DNM3: variants seen among roughly 807,000 people sequenced by gnomAD.
DNM3 encodes dynamin 3, also known as dynamin-3.
In DNM3, 47 loss-of-function variants were observed where a neutral mutation model predicts 101.6. The observed-to-expected ratio is 0.46, with a 90% CI of 0.37 to 0.59. The LOEUF (loss-of-function observed/expected upper bound fraction) is 0.59. DNM3 is among the 20% of genes least tolerant of loss of function. The pLI is 0.00. For synonymous variants in DNM3, 385 were observed against 387.9 expected (o/e 0.99, Z 0.09); for missense variants, 849 against 1,085.7 (o/e 0.78, Z 3.06).
At chr1:171,941,079 C>A (rs2041779323) in intron 2 of DNM3, among the ~76,000 whole-genome samples, 2 of 152,164 alleles carry the variant, frequency 1.3e-5, no homozygotes, top group South Asian at 4.2e-4. Flanking sequence ...TAAAAAAACT[C>A]ATGAAGAACA....
chr1:171,857,605 C>A (rs2033745014), intron 1 of DNM3, among the ~76,000 whole-genome samples: 1 of 152,154 alleles, frequency 6.6e-6, no homozygotes, highest in African/African-American at 2.4e-5. Flanking sequence ...GTCCTGATGA[C>A]TTATGGTTCA....
intron 13 of DNM3, among the ~76,000 whole-genome samples, chr1:172,118,762 T>C (rs1290607190): frequency 6.6e-6 from 1 of 151,986 alleles, no homozygotes; most frequent in Non-Finnish European, 1.5e-5. Flanking sequence ...AGAGCCAGAG[T>C]GGTTTTTCTC....
At chr1:172,391,084 G>A (rs1223181675) in intron 20 of DNM3, among the ~76,000 whole-genome samples, 2 of 152,206 alleles carry the variant, frequency 1.3e-5, no homozygotes, top group East Asian at 3.8e-4. Flanking sequence ...CGAGCTGGAT[G>A]GCCGGCACAT....
chr1:172,061,948 C>T (rs1479043585), intron 10 of DNM3, among the ~76,000 whole-genome samples: 1 of 152,152 alleles, frequency 6.6e-6, no homozygotes, highest in African/African-American at 2.4e-5. Context: ...GCATGTAATA[C>T]ATGTCTAATG....
rs1171616830 is a variant in DNM3 at position 172,410,878 on chromosome 1, G to A, written c.*3037G>A. 1.5e-5 allele frequency: 15 copies of A among 985,000 alleles called. No individual in the cohort carries two copies. The highest frequency in any genetic ancestry group is 1.8e-5 in the Non-Finnish European group (15 of 829,774). The allele number at this position is 985,000 out of a possible 1,614,324, so 61.0% of individuals were successfully genotyped here. ...AGCCATAATTCTCAAATATGAAATG[G>A]GACCTAATACCAGTATGTGATAAAT... On this transcript the variant is annotated 3_prime_UTR_variant, in exon 21 of 21. Transcript: ENST00000627582.
chr1:172,336,314 G>A (rs1365912010), intron 17 of DNM3, among the ~76,000 whole-genome samples: 2 of 151,978 alleles, frequency 1.3e-5, no homozygotes, highest in South Asian at 2.1e-4. Context: ...TAAGTCTAGC[G>A]TTAATGCACT....
chr1:172,099,887 A>G (rs1203451091), intron 13 of DNM3, among the ~76,000 whole-genome samples: 1 of 152,172 alleles, frequency 6.6e-6, no homozygotes, highest in Non-Finnish European at 1.5e-5. Context: ...ACAAATGGGG[A>G]TGAAATGTCC....
At position 171,958,054 on chromosome 1, in the gene DNM3, T is replaced by G. The variant is rs143746946; in HGVS notation, c.236-29602T>G. 5.2e-3 allele frequency among the ~76,000 whole-genome samples: 794 copies of G among 152,308 alleles called. 7 individuals carry two copies. The highest frequency in any genetic ancestry group is 0.018 in the African/African-American group (739 of 41,570). On this transcript the variant is annotated intron_variant, in intron 2 of 20. Transcript: ENST00000627582. Reference sequence around the variant, plus strand: ...TAATTGACAAAAGAAAGAGGTTTAATGGACTCATAGTTCCACGTGGCTGGG... The same window carrying G: ...TAATTGACAAAAGAAAGAGGTTTAAGGGACTCATAGTTCCACGTGGCTGGG...
intron 17 of DNM3, among the ~76,000 whole-genome samples, chr1:172,354,385 A>G (rs1320903617): frequency 1.3e-5 from 2 of 152,106 alleles, no homozygotes; most frequent in Non-Finnish European, 2.9e-5. Context: ...ATCACACAGA[A>G]ATAGGAGAGG....
chr1:172,262,856 G>A (rs954026860), intron 15 of DNM3, among the ~76,000 whole-genome samples: 8 of 152,074 alleles, frequency 5.3e-5, no homozygotes, highest in Non-Finnish European at 1.0e-4. Context: ...ACCTTTGGAG[G>A]TTCCTGGATT....
intron 2 of DNM3, among the ~76,000 whole-genome samples, chr1:171,950,770 T>C (rs2042469209): frequency 6.6e-6 from 1 of 152,164 alleles, no homozygotes. Context: ...ATAATGATGG[T>C]TTCTCAGGGG....
intron 15 of DNM3, among the ~76,000 whole-genome samples, chr1:172,307,320 G>C (rs1448822661): frequency 6.6e-6 from 1 of 152,066 alleles, no homozygotes; most frequent in African/African-American, 2.4e-5. Context: ...CAAAAACCAC[G>C]ATGAGATAAC....
chr1:172,318,186 GC>G (rs1323096630), intron 16 of DNM3, among the ~76,000 whole-genome samples: 1 of 152,136 alleles, frequency 6.6e-6, no homozygotes, highest in Non-Finnish European at 1.5e-5. Flanking sequence ...AAATTCAACA[GC>G]CCTTCAGGCT....
Position 171,862,543 on chromosome 1 carries a change from C to T in DNM3, c.161+20726C>T, listed in dbSNP as rs374365795. 2.0e-4 allele frequency among the ~76,000 whole-genome samples: 31 copies of T among 152,124 alleles called. No individual in the cohort carries two copies. The East Asian group carries it at 6.0e-3, about 29-fold the overall frequency. ...TTATATGAAATGTATAGAGTAGAGACAGAAAGCAGATTGGTGTTTGCCAGG... is the reference window on the plus strand; with the variant it reads ...TTATATGAAATGTATAGAGTAGAGATAGAAAGCAGATTGGTGTTTGCCAGG... On this transcript the variant is annotated intron_variant, in intron 1 of 20. Transcript: ENST00000627582.
intron 10 of DNM3, among the ~76,000 whole-genome samples, chr1:172,066,952 T>TTGTGTGTGTGTG (rs61202714): frequency 6.7e-6 from 1 of 150,124 alleles, no homozygotes; most frequent in African/African-American, 2.5e-5. Context: ...GTCTCTGTGT[T>TTGTGTGTGTGTG]TGTGTGTGTG....
At chr1:171,878,020 A>G (rs2035933861) in intron 1 of DNM3, among the ~76,000 whole-genome samples, 1 of 152,238 alleles carries the variant, frequency 6.6e-6, no homozygotes, top group Admixed American at 6.5e-5. Flanking sequence ...TTCTCAGCAC[A>G]GTCATTGTGG....
intron 4 of DNM3, among the ~76,000 whole-genome samples, 187 bp from the exon 5 acceptor site, chr1:172,032,202 CTGGATGGGTGGTT>C (rs2048659809): frequency 2.0e-5 from 3 of 152,086 alleles, no homozygotes; most frequent in Admixed American, 2.0e-4. Context: ...AGGTTATCTT[CTGGATGGGTGGTT>C]TGGCAACTGT....
intron 15 of DNM3, among the ~76,000 whole-genome samples, chr1:172,303,905 G>A (rs1432295529): frequency 6.6e-6 from 1 of 152,012 alleles, no homozygotes; most frequent in African/African-American, 2.4e-5. Context: ...GGAACAACTG[G>A]TACCAGACAT....
intron 6 of DNM3, among the ~76,000 whole-genome samples, chr1:172,037,337 A>G (rs2049045681): frequency 6.6e-6 from 1 of 152,218 alleles, no homozygotes; most frequent in African/African-American, 2.4e-5. Flanking sequence ...ATACATATGC[A>G]CACGTATGTT....
Sources: allele counts gnomAD v4.1 joint callset (sites outside exome capture counted in the v4.1 genomes callset), GRCh38; gene constraint gnomAD v4.1.1; transcripts MANE v1.5; gene names NCBI Gene and HGNC (gene_info 2026-07-23, HGNC 2026-07-21).